ELAVL3: variants seen among roughly 807,000 people sequenced by gnomAD.
The protein encoded by ELAVL3 is ELAV like RNA binding protein 3.
Under a neutral mutation model 34.2 loss-of-function variants are expected in ELAVL3, and 8 were observed. That is an observed-to-expected ratio of 0.23 (90% CI 0.14 to 0.42). ELAVL3 has a LOEUF of 0.42. Among genes scored for constraint, ELAVL3 ranks in the 10% least tolerant of loss-of-function variants. The pLI, the probability that ELAVL3 is intolerant of heterozygous loss-of-function variation, is 1.00. For synonymous variants in ELAVL3, 209 were observed against 222.1 expected (o/e 0.94, Z 0.53); for missense variants, 273 against 518.8 (o/e 0.53, Z 4.60).
chr19:11,451,996 GGGGAGAGGAGAGAGGGCA>G lies in ELAVL3; in HGVS notation c.*2512_*2529del. 6.6e-6 allele frequency: 1 copy of G among 152,370 alleles called. No homozygotes were observed. Among genetic ancestry groups the G allele is most frequent in the East Asian group, 1.9e-4 (1 of 5,178 alleles). The allele number at this position is 152,370 out of a possible 1,614,324, so 9.4% of individuals were successfully genotyped here. On this transcript the variant is annotated 3_prime_UTR_variant, in exon 7 of 7. Transcript: ENST00000359227. ...GGAGAGGGGTCCCTGCCCTGCTGCA[GGGGAGAGGAGAGAGGGCA>G]GGGAGGACTTAAAACCACGAGAATA...
chr19:11,466,837 A>G lies in ELAVL3; in HGVS notation c.10-10T>C. 6.3e-7 allele frequency: 1 copy of G among 1,587,016 alleles called. No individual in the cohort carries two copies. Among genetic ancestry groups the G allele is most frequent in the Non-Finnish European group, 8.6e-7 (1 of 1,165,984 alleles). On this transcript the variant is annotated splice_polypyrimidine_tract_variant and intron_variant, in intron 1 of 6. Transcript: ENST00000359227. The surrounding 1 kb of genome is among the most constrained non-coding windows in gnomAD (Gnocchi z 5.0). ...TGGCCCCCAGTATCTGCTGGAGATAACAGGTCGCATCCGCTCACCGCCCAG... is the reference window on the plus strand; with the variant it reads ...TGGCCCCCAGTATCTGCTGGAGATAGCAGGTCGCATCCGCTCACCGCCCAG...
intron 1 of ELAVL3, among the ~76,000 whole-genome samples, chr19:11,478,451 G>T (rs1971304188): frequency 6.6e-6 from 1 of 152,174 alleles, no homozygotes; most frequent in Admixed American, 6.5e-5. Context: ...GCACAGCCTG[G>T]GATGGTGGCT....
chr19:11,458,304 T>TG lies in ELAVL3; in HGVS notation c.488-19dup, dbSNP rs773913264. 1.2e-6 allele frequency: 2 copies of TG among 1,612,438 alleles called. No homozygotes were observed. The highest frequency in any genetic ancestry group is 1.7e-6 in the Non-Finnish European group (2 of 1,179,292). On this transcript the variant is annotated intron_variant, in intron 4 of 6. Transcript: ENST00000359227. This position sits in a 1 kb window ranked among gnomAD's most constrained non-coding sequence, Gnocchi z 7.3. ...AGAGACACCTGCCAGGGGGCAGGGA[T>TG]GTCCATCACGACGACCCTGTCCCCT...
At position 11,467,315 on chromosome 19, in the gene ELAVL3, G is replaced by A. The variant is rs528231580; in HGVS notation, c.10-488C>T. Among the ~76,000 whole-genome samples, 896 of 151,804 alleles carry A rather than the reference G, an allele frequency of 5.9e-3. 6 individuals are homozygous for A. The highest frequency in any genetic ancestry group is 0.021 in the African/African-American group (854 of 41,428). ...CGCATGCCTGTAATCCCAGCTACTC[G>A]GGAGGCTGAGGCAGGAGAATTGCTT... On this transcript the variant is annotated intron_variant, in intron 1 of 6. Transcript: ENST00000359227.
intron 3 of ELAVL3, among the ~76,000 whole-genome samples, chr19:11,461,801 AT>A (rs1970890983): frequency 6.6e-6 from 1 of 152,038 alleles, no homozygotes; most frequent in Non-Finnish European, 1.5e-5. Flanking sequence ...CTCTTGATAG[AT>A]AGGGGTCATT....
chr19:11,466,771 C>T lies in ELAVL3; in HGVS notation c.66G>A (p.Leu22=), dbSNP rs767837575. ...TTGTACCAAGGAGTGGCCCGTTGGG[C>T]AGGGCCGGGCCGGCCGGGCCCCCCC... ...QVGGGPAGPA[L]PNGPLLGTNG... The change falls in exon 2 of 7, where the codon CTG becomes CTA. Residue 22 remains leucine (L), a synonymous_variant. Transcript: ENST00000359227. This position sits in a 1 kb window ranked among gnomAD's most constrained non-coding sequence, Gnocchi z 5.0. 6.2e-7 allele frequency: 1 copy of T among 1,614,040 alleles called. No individual in the cohort carries two copies. The highest frequency in any genetic ancestry group is 1.1e-5 in the South Asian group (1 of 91,080).
Position 11,466,058 on chromosome 19 carries a change from G to A in ELAVL3, c.333+114C>T, listed in dbSNP as rs1159803728. The A allele has an allele frequency of 2.1e-6, 2 of 931,830 alleles. No individual in the cohort carries two copies. Among genetic ancestry groups the A allele is most frequent in the African/African-American group, 1.6e-5 (1 of 61,654 alleles). The allele number at this position is 931,830 out of a possible 1,614,324, so 57.7% of individuals were successfully genotyped here. ...GGGAGATTTGAGCCCCTCTGGGGATGAGTCCTGAAAGGCAGTGGACATGGA... is the reference window on the plus strand; with the variant it reads ...GGGAGATTTGAGCCCCTCTGGGGATAAGTCCTGAAAGGCAGTGGACATGGA... On this transcript the variant is annotated intron_variant, in intron 3 of 6. Transcript: ENST00000359227. The surrounding 1 kb of genome is among the most constrained non-coding windows in gnomAD (Gnocchi z 5.0).
In ELAVL3 at chr19:11,454,805, C is replaced by A; in HGVS notation, c.825G>T (p.Leu275=). Residue 275 remains leucine, a synonymous_variant, in exon 7 of 7, where the codon CTG becomes CTT. Transcript: ENST00000359227. The surrounding 1 kb of genome is among the most constrained non-coding windows in gnomAD (Gnocchi z 9.2). ...DGMSGLAGVG[L]SGGAAGAGWC... is the part of the protein sequence containing the mutation. ...AGCCGGCGCCCGCCGCGCCCCCCGA[C>A]AGGCCCACGCCCGCCAGGCCGCTCA... The A allele has an allele frequency of 1.9e-6, 3 of 1,612,092 alleles. No individual in the cohort carries two copies. In the Admixed American group the frequency reaches 5.0e-5, roughly 27 times the overall value.
chr19:11,451,980 T>G lies in ELAVL3; in HGVS notation c.*2546A>C, dbSNP rs1352701928. The G allele has an allele frequency of 6.6e-6, 1 of 151,042 alleles. No individual in the cohort carries two copies. The highest frequency in any genetic ancestry group is 1.5e-5 in the Non-Finnish European group (1 of 67,724). 9.4% of individuals were successfully genotyped at this position (151,042 alleles called of 1,614,324 possible). On this transcript the variant is annotated 3_prime_UTR_variant, in exon 7 of 7. Coordinates refer to ENST00000359227, the MANE Select transcript of ELAVL3 (RefSeq NM_001420.4). ...CCCAAGAGACAGCAGGGGAGAGGGG[T>G]CCCTGCCCTGCTGCAGGGGAGAGGA...
At chr19:11,467,454 C>T (rs1044915387) in intron 1 of ELAVL3, among the ~76,000 whole-genome samples, 1 of 149,090 alleles carries the variant, frequency 6.7e-6, no homozygotes, top group African/African-American at 2.6e-5. Context: ...CTTTCGCTCT[C>T]AGAAAAGTAA....
chr19:11,473,258 C>T lies in ELAVL3; in HGVS notation c.10-6431G>A, dbSNP rs185213406. 7.6e-5 allele frequency among the ~76,000 whole-genome samples: 11 copies of T among 145,244 alleles called. No homozygotes were observed. The East Asian group carries it at 1.5e-3, about 19-fold the overall frequency. ...CGGGCGCCTGTAGTCCCAGCTACTCCGGAGGCTGAGGCAGGGGAATGGTGT... is the reference window on the plus strand; with the variant it reads ...CGGGCGCCTGTAGTCCCAGCTACTCTGGAGGCTGAGGCAGGGGAATGGTGT... On this transcript the variant is annotated intron_variant, in intron 1 of 6. Transcript: ENST00000359227.
In ELAVL3 at chr19:11,451,563, T is replaced by C. The variant is rs1288799999; in HGVS notation, c.*2963A>G. The C allele has an allele frequency of 6.9e-6, 1 of 144,536 alleles. No individual in the cohort carries two copies. Among genetic ancestry groups the C allele is most frequent in the Admixed American group, 7.1e-5 (1 of 14,100 alleles). The allele number at this position is 144,536 out of a possible 1,614,324, so 9.0% of individuals were successfully genotyped here. On this transcript the variant is annotated 3_prime_UTR_variant, in exon 7 of 7. Transcript: ENST00000359227. ...ATGGACTCTGTCGTGATTTGAAACCTTCCGAATAAATAACAGGATGAAGGG... is the reference window on the plus strand; with the variant it reads ...ATGGACTCTGTCGTGATTTGAAACCCTCCGAATAAATAACAGGATGAAGGG...
intron 3 of ELAVL3, among the ~76,000 whole-genome samples, chr19:11,464,876 TACAC>T (rs1173512668): frequency 6.0e-4 from 30 of 49,704 alleles, no homozygotes; most frequent in Non-Finnish European, 9.7e-4. Context: ...CACACACACA[TACAC>T]ACATACACAC....
Position 11,480,810 on chromosome 19 carries a change from C to G in ELAVL3, c.-202G>C. On this transcript the variant is annotated 5_prime_UTR_variant, in exon 1 of 7. Transcript: ENST00000359227. The surrounding 1 kb of genome is among the most constrained non-coding windows in gnomAD (Gnocchi z 6.8). ...GGGGATGCGCGCGCGGATGGCCGGG[C>G]CCCGGGGTGGCCTGCGGGCGGCAGG... is the stretch of plus-strand genomic sequence containing the variant. The G allele has an allele frequency of 2.4e-6, 1 of 417,744 alleles. No individual in the cohort carries two copies. Among genetic ancestry groups the G allele is most frequent in the Non-Finnish European group, 4.1e-6 (1 of 246,882 alleles). 25.9% of individuals were successfully genotyped at this position (417,744 alleles called of 1,614,324 possible). A position where few individuals can be genotyped will look rare whatever the true frequency, so the allele number is the denominator to read the frequency against.
intron 1 of ELAVL3, among the ~76,000 whole-genome samples, chr19:11,479,855 G>A (rs1971339408): frequency 6.6e-6 from 1 of 151,708 alleles, no homozygotes; most frequent in South Asian, 2.1e-4. Flanking sequence ...GCCTGGACCT[G>A]GCCTAAGGGG....
rs569953954 is a variant in ELAVL3, at chr19:11,460,367, C to T, written c.334-1756G>A. 2.5e-4 allele frequency among the ~76,000 whole-genome samples: 38 copies of T among 151,040 alleles called. 1 individual carries two copies. The South Asian group carries it at 3.2e-3, about 13-fold the overall frequency. Reference sequence around the variant, plus strand: ...CTCCCATCCCCCACTGTCTGTCCCCCCTACGGCAGCCAGAGGGCGCCTGTG... The same window carrying T: ...CTCCCATCCCCCACTGTCTGTCCCCTCTACGGCAGCCAGAGGGCGCCTGTG... On this transcript the variant is annotated intron_variant, in intron 3 of 6. Transcript: ENST00000359227.
Position 11,458,162 on chromosome 19 carries a change from G to A in ELAVL3, c.612C>T (p.Asn204=). The change falls in exon 5 of 7, where the codon AAC becomes AAT. Residue 204 remains asparagine (N), a synonymous_variant. Transcript: ENST00000359227. This position sits in a 1 kb window ranked among gnomAD's most constrained non-coding sequence, Gnocchi z 7.3. Reference sequence around the variant, plus strand: ...CCTGCCCCGTCTTCTGACTTGGGTTGTTCGCGAACTTGACTGTGATGGGCT... The same window carrying A: ...CCTGCCCCGTCTTCTGACTTGGGTTATTCGCGAACTTGACTGTGATGGGCT... ...AAEPITVKFA[N]NPSQKTGQAL... 6.2e-7 allele frequency: 1 copy of A among 1,614,186 alleles called. No individual in the cohort carries two copies. Among genetic ancestry groups the A allele is most frequent in the Non-Finnish European group, 8.5e-7 (1 of 1,180,034 alleles).
intron 1 of ELAVL3, among the ~76,000 whole-genome samples, chr19:11,471,285 G>A (rs1284476981): frequency 6.8e-6 from 1 of 147,118 alleles, no homozygotes; most frequent in Non-Finnish European, 1.5e-5. Flanking sequence ...ATTCCAGCCT[G>A]AGCAACAGAG....
rs1330842439 is a variant in ELAVL3 at position 11,480,539 on chromosome 19, C to T, written c.9+61G>A. The T allele has an allele frequency of 5.4e-6, 8 of 1,494,010 alleles. No individual in the cohort carries two copies. The highest frequency in any genetic ancestry group is 1.5e-5 in the African/African-American group (1 of 68,926). The allele number at this position is 1,494,010 out of a possible 1,614,324, so 92.5% of individuals were successfully genotyped here. ...CCCCGCCGCACCCGCCCAATCTCCG[C>T]GGAGCCTGGGCCCAACTCCTCCCCG... On this transcript the variant is annotated intron_variant, in intron 1 of 6. Transcript: ENST00000359227. The surrounding 1 kb of genome is among the most constrained non-coding windows in gnomAD (Gnocchi z 6.8).
Sources: gnomAD v4.1 joint callset for allele counts (sites outside exome capture counted in the v4.1 genomes callset) on GRCh38, gnomAD v4.1.1 for gene constraint, Gnocchi (gnomAD v3.1) non-coding constraint, MANE v1.5 for transcripts, NCBI Gene and HGNC (gene_info 2026-07-23, HGNC 2026-07-21) for gene names.